The following ADRA1A variants were observed in gnomAD, a reference collection of about 807,000 sequenced individuals.
The protein encoded by ADRA1A is alpha-1A adrenergic receptor.
Under a neutral mutation model 29.6 loss-of-function variants are expected in ADRA1A, and 31 were observed. That is an observed-to-expected ratio of 1.05 (90% CI 0.79 to 1.41). The LOEUF (loss-of-function observed/expected upper bound fraction) is 1.41. Ranked by LOEUF, ADRA1A falls within the 40% of genes most tolerant of loss-of-function variation. ADRA1A has a pLI of 0.00. For synonymous variants in ADRA1A, 311 were observed against 254.3 expected (o/e 1.22, Z -2.12); for missense variants, 619 against 601.1 (o/e 1.03, Z -0.31).
chr8:26,828,530 C>T (rs1810750816), intron 2 of ADRA1A, among the ~76,000 whole-genome samples: 1 of 152,234 alleles, frequency 6.6e-6, no homozygotes, highest in Non-Finnish European at 1.5e-5. Context: ...CTCCAGAGAG[C>T]AAGCTCTATC....
rs1290265377 is a variant in ADRA1A, at chr8:26,841,753, C to A, written c.883+22334G>T. On this transcript the variant is annotated intron_variant, in intron 2 of 2. Transcript: ENST00000380573. The surrounding 1 kb of genome is among the most constrained non-coding windows in gnomAD (Gnocchi z 4.4). The stretch of plus-strand genomic sequence containing the variant: ...TTAGTGACATCTCTTCCCAACTCTG[C>A]ATCAGCTTTGATAGGTCACAAATGA... Among the ~76,000 whole-genome samples the A allele has an allele frequency of 6.6e-6, 1 of 152,206 alleles. No individual in the cohort carries two copies. The highest frequency in any genetic ancestry group is 6.5e-5 in the Admixed American group (1 of 15,286).
intron 2 of ADRA1A, among the ~76,000 whole-genome samples, chr8:26,812,899 C>T (rs1484385663): frequency 1.3e-5 from 2 of 152,026 alleles, no homozygotes; most frequent in Admixed American, 1.3e-4. Context: ...ATCTCCTGAC[C>T]TTGTGATCCG....
intron 2 of ADRA1A, among the ~76,000 whole-genome samples, chr8:26,819,140 A>G (rs1250832340): frequency 6.6e-6 from 1 of 152,152 alleles, no homozygotes; most frequent in Non-Finnish European, 1.5e-5. Context: ...TTCACAGGAG[A>G]AACCTTGCTG....
At chr8:26,812,929 G>T (rs1809514044) in intron 2 of ADRA1A, among the ~76,000 whole-genome samples, 1 of 151,952 alleles carries the variant, frequency 6.6e-6, no homozygotes, top group Non-Finnish European at 1.5e-5. Flanking sequence ...GCCTCCCAAA[G>T]TGCTGGGATT....
At chr8:26,862,683 G>A (rs530776864) in intron 2 of ADRA1A, among the ~76,000 whole-genome samples, 5 of 152,186 alleles carry the variant, frequency 3.3e-5, no homozygotes, top group Non-Finnish European at 7.3e-5. Flanking sequence ...TTGGATTAAG[G>A]AGGGCCTCTC....
intron 2 of ADRA1A, among the ~76,000 whole-genome samples, chr8:26,849,418 C>T (rs12550073): frequency 0.051 from 7,717 of 152,280 alleles, 295 homozygotes; most frequent in Admixed American, 0.1. Flanking sequence ...GGTGCCCAGG[C>T]GGTCAGTCAT....
intron 2 of ADRA1A, among the ~76,000 whole-genome samples, chr8:26,789,010 T>G (rs1286112348): frequency 6.6e-6 from 1 of 152,190 alleles, no homozygotes; most frequent in African/African-American, 2.4e-5. Flanking sequence ...GACATACATG[T>G]GCAATGGTGG....
At chr8:26,833,614 T>C (rs981806261) in intron 2 of ADRA1A, among the ~76,000 whole-genome samples, 6 of 152,224 alleles carry the variant, frequency 3.9e-5, no homozygotes, top group Admixed American at 3.9e-4. Flanking sequence ...TGTAGGAACC[T>C]GATAAGTAGA....
intron 2 of ADRA1A, among the ~76,000 whole-genome samples, chr8:26,862,136 C>A (rs1200112812): frequency 6.6e-6 from 1 of 152,236 alleles, no homozygotes; most frequent in African/African-American, 2.4e-5. Context: ...TTGAACTTGA[C>A]TGCCCCCTCC....
chr8:26,797,735 C>G (rs1808280625), intron 2 of ADRA1A, among the ~76,000 whole-genome samples: 1 of 152,012 alleles, frequency 6.6e-6, no homozygotes. Flanking sequence ...GTAGAGGGGT[C>G]TTAAGACCAA....
chr8:26,804,809 G>A (rs1241984808), intron 2 of ADRA1A, among the ~76,000 whole-genome samples: 2 of 152,158 alleles, frequency 1.3e-5, no homozygotes, highest in African/African-American at 2.4e-5. Flanking sequence ...ATGAGATGGT[G>A]TGTGAAAAAT....
rs1585765242 is a variant in ADRA1A, at chr8:26,822,903, A to G, written c.883+41184T>C. Among the ~76,000 whole-genome samples the G allele has an allele frequency of 2.6e-5, 4 of 152,142 alleles. 1 individual carries two copies. The South Asian group carries it at 8.3e-4, about 32-fold the overall frequency. On this transcript the variant is annotated intron_variant, in intron 2 of 2. Transcript: ENST00000380573. ...GAGGTGCCACACACTTTTAATAAAC[A>G]AATCTCATGACAGCTCACTATCATG...
chr8:26,776,659 C>G (rs1806571900), intron 2 of ADRA1A, among the ~76,000 whole-genome samples: 2 of 152,184 alleles, frequency 1.3e-5, no homozygotes, highest in South Asian at 4.1e-4. Context: ...GTCCAGCTTT[C>G]ACTGAATGAC....
chr8:26,803,791 AT>A (rs1179789275), intron 2 of ADRA1A, among the ~76,000 whole-genome samples: 9 of 152,240 alleles, frequency 5.9e-5, no homozygotes, highest in Non-Finnish European at 1.3e-4. Flanking sequence ...AGATATACAA[AT>A]AGCTGATGAG....
intron 2 of ADRA1A, chr8:26,853,900 C>A (rs1279510468): frequency 5.9e-5 from 9 of 152,096 alleles, no homozygotes; most frequent in Admixed American, 5.9e-4. Flanking sequence ...ATGCAAATAA[C>A]CAAGTGGAAA....
rs986191041 is a variant in ADRA1A at position 26,864,267 on chromosome 8, G to C, written c.703C>G (p.Arg235Gly). ...GCCGGGGCGTTTTTCCGATGGATGC[G>C]GAGCGTCACTTGCTCCGAGTCCGAC... is the stretch of plus-strand genomic sequence containing the variant. ...DKSDSEQVTL[R>G]IHRKNAPAGG... Residue 235 changes from arginine to glycine, a missense_variant, in exon 2 of 3, where the codon CGC (arginine) becomes GGC (glycine). By Grantham distance (125) the Arg-to-Gly change is moderately radical (BLOSUM62 -2). Coordinates refer to ENST00000380573, the MANE Select transcript of ADRA1A (RefSeq NM_000680.4). The surrounding 1 kb of genome is among the most constrained non-coding windows in gnomAD (Gnocchi z 8.1). The C allele has an allele frequency of 1.2e-6, 2 of 1,614,038 alleles. No individual in the cohort carries two copies. The highest frequency in any genetic ancestry group is 1.1e-5 in the South Asian group (1 of 91,092).
Position 26,864,781 on chromosome 8 carries a change from G to GT in ADRA1A, c.188dup (p.Tyr63Ter), listed in dbSNP as rs754697137. 2.9e-5 allele frequency: 47 copies of GT among 1,614,188 alleles called. No individual in the cohort carries two copies. Among genetic ancestry groups the GT allele is most frequent in the Non-Finnish European group, 3.7e-5 (44 of 1,180,036 alleles). Residue 63 changes from tyrosine (Y) to a stop codon, truncating the protein, a stop_gained and frameshift_variant, in exon 2 of 3, where the codon TAC becomes TAAC. Coordinates refer to ENST00000380573, the MANE Select transcript of ADRA1A (RefSeq NM_000680.4). LOFTEE classifies it high-confidence loss of function. The surrounding 1 kb of genome is among the most constrained non-coding windows in gnomAD (Gnocchi z 8.1). Reference sequence around the variant, plus strand: ...CGGCCACCGCCAGGTTGACGATGTAGTAGTGCGTGACTGAGTGCAGGTGTC... The same window carrying GT: ...CGGCCACCGCCAGGTTGACGATGTAGTTAGTGCGTGACTGAGTGCAGGTGTC... ...CHRHLHSVTH[Y>*]YIVNLAVADL... is the part of the protein sequence containing the mutation.
At chr8:26,807,652 G>A (rs1266468604) in intron 2 of ADRA1A, among the ~76,000 whole-genome samples, 1 of 152,176 alleles carries the variant, frequency 6.6e-6, no homozygotes, top group Non-Finnish European at 1.5e-5. Context: ...AATGAGTGAA[G>A]ATTTGGAATA....
Position 26,860,822 on chromosome 8 carries a change from C to T in ADRA1A, c.883+3265G>A, listed in dbSNP as rs1338587093. ...TTTTGCCTATCCCATCAGTGCCTCT[C>T]TCTATCCCATCGTTCCCATCAGAAT... is the stretch of plus-strand genomic sequence containing the variant. On this transcript the variant is annotated intron_variant, in intron 2 of 2. Coordinates refer to ENST00000380573, the MANE Select transcript of ADRA1A (RefSeq NM_000680.4). The surrounding 1 kb of genome is among the most constrained non-coding windows in gnomAD (Gnocchi z 4.7). 2.0e-5 allele frequency among the ~76,000 whole-genome samples: 3 copies of T among 152,110 alleles called. No homozygotes were observed. Among genetic ancestry groups the T allele is most frequent in the Admixed American group, 6.6e-5 (1 of 15,260 alleles).
Sources: allele counts gnomAD v4.1 joint callset (sites outside exome capture counted in the v4.1 genomes callset), GRCh38; gene constraint gnomAD v4.1.1; non-coding constraint Gnocchi (gnomAD v3.1); transcripts MANE v1.5; gene names NCBI Gene and HGNC (gene_info 2026-07-23, HGNC 2026-07-21).